The following NLGN1 variants were observed in gnomAD, a reference collection of about 807,000 sequenced individuals.
The protein encoded by NLGN1 is neuroligin 1, also known as neuroligin-1.
A neutral mutation model predicts 65.5 loss-of-function variants in NLGN1; 12 were observed. The observed-to-expected ratio is 0.18, with a 90% CI of 0.12 to 0.30. The LOEUF is 0.30. Among genes scored for constraint, NLGN1 ranks in the 10% least tolerant of loss-of-function variants. NLGN1 has a pLI of 1.00. For synonymous variants in NLGN1, 350 were observed against 359.5 expected (o/e 0.97, Z 0.30); for missense variants, 750 against 1,007.1 (o/e 0.74, Z 3.46).
intron 3 of NLGN1, among the ~76,000 whole-genome samples, chr3:173,612,931 G>A (rs1257947041): frequency 6.6e-6 from 1 of 152,090 alleles, no homozygotes; most frequent in Non-Finnish European, 1.5e-5. Flanking sequence ...TTCTGCCTGT[G>A]TATATGTCTG....
At chr3:174,250,992 T>C (rs1337941347) in intron 4 of NLGN1, among the ~76,000 whole-genome samples, 2 of 147,276 alleles carry the variant, frequency 1.4e-5, no homozygotes, top group Non-Finnish European at 2.9e-5. Flanking sequence ...TTGTCAAACG[T>C]GCACCTATAA....
chr3:173,911,645 C>T (rs533799167), intron 4 of NLGN1, among the ~76,000 whole-genome samples: 1 of 152,230 alleles, frequency 6.6e-6, no homozygotes, highest in Admixed American at 6.5e-5. Flanking sequence ...GTTCTTGGTG[C>T]CATGTGACCC....
At chr3:173,820,953 CTTGAA>C (rs1720169570) in intron 4 of NLGN1, among the ~76,000 whole-genome samples, 1 of 152,140 alleles carries the variant, frequency 6.6e-6, no homozygotes, top group Non-Finnish European at 1.5e-5. Flanking sequence ...CTTCATCTAT[CTTGAA>C]TTGAATTACA....
chr3:174,052,381 A>G (rs1735095572), intron 4 of NLGN1, among the ~76,000 whole-genome samples: 1 of 152,004 alleles, frequency 6.6e-6, no homozygotes, highest in African/African-American at 2.4e-5. Flanking sequence ...AGTTAACAAG[A>G]TTATTGATTT....
At chr3:173,528,884 T>C (rs9862089) in intron 2 of NLGN1, among the ~76,000 whole-genome samples, 2,384 of 152,300 alleles carry the variant, frequency 0.016, 59 homozygotes, top group African/African-American at 0.055. Context: ...ACCTTTTCTT[T>C]GATCTCATTG....
intron 2 of NLGN1, among the ~76,000 whole-genome samples, chr3:173,511,957 CAG>C (rs1391633866): frequency 6.6e-6 from 1 of 152,130 alleles, no homozygotes; most frequent in African/African-American, 2.4e-5. Flanking sequence ...AGATTCATGA[CAG>C]GGGTGCATCA....
At chr3:173,706,487 G>A (rs1346787231) in intron 3 of NLGN1, among the ~76,000 whole-genome samples, 1 of 152,134 alleles carries the variant, frequency 6.6e-6, no homozygotes, top group Non-Finnish European at 1.5e-5. Flanking sequence ...GCTTAAAGGT[G>A]CTTAGGTAGA....
chr3:173,438,652 T>C lies in NLGN1; in HGVS notation c.-321+3574T>C, dbSNP rs374442763. Among the ~76,000 whole-genome samples, 13 of 152,114 alleles carry C rather than the reference T, an allele frequency of 8.5e-5. No homozygotes were observed. In the East Asian group the frequency reaches 2.1e-3, roughly 25 times the overall value. ...TAGAGCTGAAATTATTAAGAAAATA[T>C]AGAAAAACTGCGGAAGATTTAGGGA... is the stretch of plus-strand genomic sequence containing the variant. On this transcript the variant is annotated intron_variant, in intron 2 of 6. Coordinates refer to ENST00000457714, the Ensembl canonical transcript of NLGN1.
chr3:173,566,379 G>A (rs1743667265), intron 2 of NLGN1, among the ~76,000 whole-genome samples: 1 of 152,090 alleles, frequency 6.6e-6, no homozygotes, highest in South Asian at 2.1e-4. Flanking sequence ...GGGCTAGTAG[G>A]TCACCCAAAT....
chr3:173,943,567 A>G (rs569719526), intron 4 of NLGN1, among the ~76,000 whole-genome samples: 2 of 152,256 alleles, frequency 1.3e-5, no homozygotes, highest in African/African-American at 4.8e-5. Flanking sequence ...TGGGTAACAT[A>G]TTGTGTCATC....
intron 3 of NLGN1, among the ~76,000 whole-genome samples, chr3:173,705,836 A>G (rs1767967306): frequency 6.6e-6 from 1 of 151,374 alleles, no homozygotes; most frequent in African/African-American, 2.4e-5. Flanking sequence ...TTTATTTTTT[A>G]TATTCAAAGT....
chr3:174,252,476 T>C (rs1744963171), intron 4 of NLGN1, among the ~76,000 whole-genome samples: 1 of 152,172 alleles, frequency 6.6e-6, no homozygotes, highest in African/African-American at 2.4e-5. Context: ...AGTGAGTTGT[T>C]TGAGTAAAGA....
chr3:173,424,391 G>A (rs1438603696), intron 1 of NLGN1, among the ~76,000 whole-genome samples: 1 of 152,158 alleles, frequency 6.6e-6, no homozygotes, highest in African/African-American at 2.4e-5. Flanking sequence ...CCCAGGAAAT[G>A]GGTTTTTCTT....
intron 4 of NLGN1, among the ~76,000 whole-genome samples, chr3:174,124,432 C>T (rs1718416314): frequency 6.6e-6 from 1 of 151,100 alleles, no homozygotes; most frequent in South Asian, 2.1e-4. Flanking sequence ...TCACCATAGT[C>T]CCTGTTCTAT....
chr3:174,184,500 T>G (rs1731039009), intron 4 of NLGN1, among the ~76,000 whole-genome samples: 2 of 152,188 alleles, frequency 1.3e-5, no homozygotes, highest in African/African-American at 4.8e-5. Context: ...TGTGTCCATA[T>G]TTTTAATCCC....
intron 4 of NLGN1, among the ~76,000 whole-genome samples, chr3:173,907,430 G>A (rs1173353437): frequency 1.3e-5 from 2 of 152,020 alleles, no homozygotes; most frequent in Admixed American, 1.3e-4. Flanking sequence ...TCAGAGTTAA[G>A]AACAAGCACT....
At chr3:174,094,362 G>A (rs1325679257) in intron 4 of NLGN1, among the ~76,000 whole-genome samples, 1 of 151,906 alleles carries the variant, frequency 6.6e-6, no homozygotes, top group East Asian at 1.9e-4. Context: ...TATAGAGCGA[G>A]CTTGTCCAAC....
At chr3:173,967,974 G>A (rs1230392015) in intron 4 of NLGN1, among the ~76,000 whole-genome samples, 1 of 152,134 alleles carries the variant, frequency 6.6e-6, no homozygotes, top group Non-Finnish European at 1.5e-5. Flanking sequence ...GGGCCTTTGA[G>A]CTTTGATGGT....
At chr3:174,076,716 AGAGAGAGAGTGTGTGTGT>A (rs1257893006) in intron 4 of NLGN1, among the ~76,000 whole-genome samples, 5 of 130,386 alleles carry the variant, frequency 3.8e-5, no homozygotes, top group South Asian at 2.4e-4. Flanking sequence ...AGAGAGAGAG[AGAGAGAGAGTGTGTGTGT>A]GTGTGTGTGT....
Sources: gnomAD v4.1 joint callset for allele counts (sites outside exome capture counted in the v4.1 genomes callset) on GRCh38, gnomAD v4.1.1 for gene constraint, MANE v1.5 for transcripts, NCBI Gene and HGNC (gene_info 2026-07-23, HGNC 2026-07-21) for gene names.